The following NDEL1 variants were observed in gnomAD, a reference collection of about 807,000 sequenced individuals.
The protein encoded by NDEL1 is nudE neurodevelopment protein 1 like 1, also known as nuclear distribution protein nudE-like 1.
NDEL1 carries 9 observed loss-of-function variants against 45.7 expected under a neutral mutation model. The ratio of observed to expected loss-of-function variants is 0.20; its 90% confidence interval spans 0.12 to 0.34. The LOEUF is 0.34. Ranked by LOEUF, NDEL1 falls within the 10% of genes least tolerant of loss-of-function variation. NDEL1 has a pLI of 1.00. For synonymous variants in NDEL1, 133 were observed against 158.6 expected, an observed-to-expected ratio of 0.84 and a Z score of 1.21; for missense variants, 306 against 406.2, an observed-to-expected ratio of 0.75 and a Z score of 2.12.
At chr17:8,447,144 G>A (rs930927987) in intron 4 of NDEL1, among the ~76,000 whole-genome samples, 11 of 151,872 alleles carry the variant, frequency 7.2e-5, no homozygotes, top group Non-Finnish European at 1.5e-4. Context: ...GATCCTATTG[G>A]TTTTGTTTTG....
At chr17:8,457,594 C>G (rs1910924437) in intron 7 of NDEL1, among the ~76,000 whole-genome samples, 1 of 152,166 alleles carries the variant, frequency 6.6e-6, no homozygotes. Flanking sequence ...AACTGGAAGC[C>G]CTTCTCCACT....
intron 5 of NDEL1, among the ~76,000 whole-genome samples, chr17:8,448,893 G>C (rs1272897870): frequency 1.3e-5 from 2 of 152,174 alleles, no homozygotes; most frequent in African/African-American, 4.8e-5. Flanking sequence ...TTTTGGTGTA[G>C]GTGGGGGTCC....
chr17:8,433,368 G>A (rs781346654), upstream of NDEL1, among the ~76,000 whole-genome samples: 1 of 152,194 alleles, frequency 6.6e-6, no homozygotes, highest in Non-Finnish European at 1.5e-5. Context: ...ACAAATTGAT[G>A]TGGAGGGTCT....
At chr17:8,435,883 C>T (rs913608549), upstream of NDEL1, 4 of 447,566 alleles carry the variant, frequency 8.9e-6, no homozygotes, top group South Asian at 3.1e-5. Context: ...GACACCCAGG[C>T]AGTCCCTGAC....
At chr17:8,420,322 C>G (rs570026845) in intron 1 of NDEL1, among the ~76,000 whole-genome samples, 1 of 152,122 alleles carries the variant, frequency 6.6e-6, no homozygotes, top group African/African-American at 2.4e-5. Flanking sequence ...GGCTGCCCCC[C>G]CAAAATAAAA....
intron 3 of NDEL1, chr17:8,474,181 G>A (rs1042783780): frequency 1.3e-5 from 2 of 152,662 alleles, no homozygotes; most frequent in Admixed American, 6.5e-5. Flanking sequence ...ATGGGAAATC[G>A]AGAACAGAAG....
intron 8 of NDEL1, among the ~76,000 whole-genome samples, chr17:8,461,657 T>A (rs1020529120): frequency 1.3e-5 from 2 of 152,308 alleles, no homozygotes; most frequent in South Asian, 4.1e-4. Flanking sequence ...GTTTTTATAG[T>A]GGAATGATAA....
chr17:8,415,399 A>G (rs1044991120), intron 1 of NDEL1, among the ~76,000 whole-genome samples: 8 of 146,948 alleles, frequency 5.4e-5, no homozygotes, highest in African/African-American at 2.1e-4. Flanking sequence ...TTATATGTAT[A>G]CTTTTTTTTG....
chr17:8,430,960 C>T (rs964807801), upstream of NDEL1, among the ~76,000 whole-genome samples: 7 of 152,304 alleles, frequency 4.6e-5, no homozygotes, highest in Admixed American at 1.3e-4. Flanking sequence ...TTGGGCCCTT[C>T]GGCACCTCTT....
chr17:8,470,113 G>A (rs1341152658), downstream of NDEL1, among the ~76,000 whole-genome samples: 2 of 151,934 alleles, frequency 1.3e-5, no homozygotes, highest in African/African-American at 2.4e-5. The surrounding 1 kb of genome is among the most constrained non-coding windows in gnomAD (Gnocchi z 4.2). Flanking sequence ...TGGACTGTGG[G>A]GTGTAAGATG....
intron 1 of NDEL1, among the ~76,000 whole-genome samples, chr17:8,414,441 G>T (rs1322782439): frequency 6.6e-6 from 1 of 152,184 alleles, no homozygotes; most frequent in Non-Finnish European, 1.5e-5. Context: ...GCCAAGGCTG[G>T]CGGATCATGA....
upstream of NDEL1, among the ~76,000 whole-genome samples, chr17:8,433,194 A>G (rs370085133): frequency 1.2e-4 from 19 of 152,036 alleles, no homozygotes; most frequent in African/African-American, 2.4e-4. Context: ...CCTGGGCACA[A>G]TGGTTTTGCC....
rs1047060708 is a variant in NDEL1 at position 8,440,878 on chromosome 17, A to G, written c.-12-3382A>G. Among the ~76,000 whole-genome samples the G allele has an allele frequency of 3.9e-5, 6 of 152,232 alleles. 1 individual carries two copies. The highest frequency in any genetic ancestry group is 3.3e-4 in the Admixed American group (5 of 15,292). On this transcript the variant is annotated intron_variant, in intron 1 of 8. Coordinates refer to ENST00000334527, the MANE Select transcript of NDEL1 (RefSeq NM_030808.5). The stretch of plus-strand genomic sequence containing the variant: ...ATAAATGGGTCAAAACCAACAAAAA[A>G]TACCCCCACATGGAAATGTTTTGAA...
chr17:8,426,746 T>G (rs892580266), intron 1 of NDEL1, among the ~76,000 whole-genome samples: 1 of 152,046 alleles, frequency 6.6e-6, no homozygotes, highest in Admixed American at 6.6e-5. Flanking sequence ...CATGGGAGCA[T>G]GGCAGGGTAT....
chr17:8,454,916 T>A (rs184864181), intron 7 of NDEL1, 29 bp downstream of exon 7: 2 of 1,520,724 alleles, frequency 1.3e-6, no homozygotes, highest in African/African-American at 2.7e-5. Flanking sequence ...TCACTAGGTG[T>A]TTCCACTGAC....
chr17:8,453,124 G>A (rs1010354722), intron 6 of NDEL1, among the ~76,000 whole-genome samples: 1 of 152,178 alleles, frequency 6.6e-6, no homozygotes, highest in Non-Finnish European at 1.5e-5. Flanking sequence ...AACTTGAATA[G>A]GGAAAAATGA....
Position 8,454,778 on chromosome 17 carries a change from G to A in NDEL1, c.701-18G>A. ...AGGGAACTGCAAGTGTAATCACTCA[G>A]CTTTTATTTTTCTCTAGCTATACCA... On this transcript the variant is annotated intron_variant, in intron 6 of 8. Transcript: ENST00000334527. 6.3e-7 allele frequency: 1 copy of A among 1,595,818 alleles called. No individual in the cohort carries two copies. The highest frequency in any genetic ancestry group is 8.6e-7 in the Non-Finnish European group (1 of 1,167,776).
At chr17:8,463,216 G>A (rs1238347401) in intron 8 of NDEL1, 2 of 787,232 alleles carry the variant, frequency 2.5e-6, no homozygotes. Flanking sequence ...AAGCCACTCT[G>A]AGTTCTTTTG....
intron 1 of NDEL1, among the ~76,000 whole-genome samples, chr17:8,428,798 C>T (rs926511231): frequency 2.6e-5 from 4 of 152,158 alleles, no homozygotes; most frequent in Middle Eastern, 3.4e-3. Context: ...CTCAGCCTCC[C>T]GAGTAGCTGG....
Sources: allele counts gnomAD v4.1 joint callset (sites outside exome capture counted in the v4.1 genomes callset), GRCh38; gene constraint gnomAD v4.1.1; non-coding constraint Gnocchi (gnomAD v3.1); transcripts MANE v1.5; gene names NCBI Gene and HGNC (gene_info 2026-07-23, HGNC 2026-07-21).